SLC25A21: variants seen among roughly 807,000 people sequenced by gnomAD.
The protein encoded by SLC25A21 is mitochondrial 2-oxodicarboxylate carrier.
SLC25A21 carries 47 observed loss-of-function variants against 43.8 expected under a neutral mutation model. The observed-to-expected ratio is 1.07, with a 90% CI of 0.85 to 1.37. The LOEUF is 1.37. Ranked by LOEUF, SLC25A21 falls within the 40% of genes most tolerant of loss-of-function variation. The probability of loss-of-function intolerance (pLI) is 0.00; values close to 1 mark genes in which losing one functional copy is unlikely to be tolerated. For synonymous variants in SLC25A21, 131 were observed against 121.3 expected (o/e 1.08, Z -0.52); for missense variants, 352 against 350.2 (o/e 1.00, Z -0.04).
intron 3 of SLC25A21, among the ~76,000 whole-genome samples, chr14:36,775,038 AAATT>A (rs1469550681): frequency 2.6e-5 from 4 of 152,226 alleles, no homozygotes; most frequent in African/African-American, 9.6e-5. Context: ...TAGCATAATA[AAATT>A]AATAAGTATA....
intron 1 of SLC25A21, among the ~76,000 whole-genome samples, chr14:36,902,938 T>C (rs1891434436): frequency 6.6e-6 from 1 of 152,094 alleles, no homozygotes; most frequent in African/African-American, 2.4e-5. Flanking sequence ...TGAGCCATGA[T>C]TGCACCACTG....
chr14:37,009,997 G>A (rs1960695682), intron 1 of SLC25A21, among the ~76,000 whole-genome samples: 1 of 152,198 alleles, frequency 6.6e-6, no homozygotes, highest in African/African-American at 2.4e-5. Flanking sequence ...AGAATGGTGG[G>A]AAGAACGTTT....
intron 1 of SLC25A21, among the ~76,000 whole-genome samples, chr14:36,891,510 T>A (rs988288371): frequency 6.6e-6 from 1 of 152,166 alleles, no homozygotes; most frequent in Non-Finnish European, 1.5e-5. Context: ...GCTACAAGGA[T>A]CAATTTCTTC....
intron 1 of SLC25A21, among the ~76,000 whole-genome samples, chr14:36,973,517 G>A (rs1166474421): frequency 6.6e-6 from 1 of 152,170 alleles, no homozygotes. Context: ...TGAATTTATT[G>A]CATTAGAGGG....
At chr14:37,108,733 G>A (rs1962963388) in intron 1 of SLC25A21, among the ~76,000 whole-genome samples, 1 of 146,652 alleles carries the variant, frequency 6.8e-6, no homozygotes, top group Non-Finnish European at 1.5e-5. Context: ...GTGTGTGTGT[G>A]TGTGTGCGTG....
chr14:36,988,630 T>C (rs942592167), intron 1 of SLC25A21, among the ~76,000 whole-genome samples: 5 of 152,220 alleles, frequency 3.3e-5, no homozygotes, highest in Admixed American at 6.5e-5. Flanking sequence ...TCACCCCCTA[T>C]TGTATATCTA....
At chr14:36,777,233 G>A (rs1399015061) in intron 3 of SLC25A21, among the ~76,000 whole-genome samples, 1 of 152,042 alleles carries the variant, frequency 6.6e-6, no homozygotes, top group Non-Finnish European at 1.5e-5. Flanking sequence ...ACTTCCGCAT[G>A]GGCAACACAG....
intron 2 of SLC25A21, among the ~76,000 whole-genome samples, chr14:36,824,421 A>G (rs908733485): frequency 6.6e-6 from 1 of 152,138 alleles, no homozygotes; most frequent in African/African-American, 2.4e-5. Flanking sequence ...TGAGGACCCA[A>G]TTTTCAAAAG....
At chr14:37,031,600 T>A (rs1251307137) in intron 1 of SLC25A21, among the ~76,000 whole-genome samples, 1 of 152,190 alleles carries the variant, frequency 6.6e-6, no homozygotes, top group Non-Finnish European at 1.5e-5. Context: ...TCAGCTTTCT[T>A]ATCCTATGAA....
rs1302830905 is a variant in SLC25A21, at chr14:36,679,503, T to G, written c.*1155A>C. 7 of 985,280 alleles carry G rather than the reference T, an allele frequency of 7.1e-6. No homozygotes were observed. The highest frequency in any genetic ancestry group is 5.2e-4 in the Middle Eastern group (1 of 1,936). 61.0% of individuals were successfully genotyped at this position (985,280 alleles called of 1,614,324 possible). ...TTGACTTTACTGAATCAGCATCATC[T>G]CTGGATGCAGATATAAAATCAAGTT... is the stretch of plus-strand genomic sequence containing the variant. On this transcript the variant is annotated 3_prime_UTR_variant, in exon 10 of 10. Transcript: ENST00000331299.
chr14:37,045,083 C>T (rs1961559033), intron 1 of SLC25A21, among the ~76,000 whole-genome samples: 1 of 152,198 alleles, frequency 6.6e-6, no homozygotes, highest in Non-Finnish European at 1.5e-5. Flanking sequence ...GAATTCCACA[C>T]ACCATGACTT....
At chr14:36,893,028 G>T (rs930154395) in intron 1 of SLC25A21, among the ~76,000 whole-genome samples, 8 of 152,026 alleles carry the variant, frequency 5.3e-5, no homozygotes, top group African/African-American at 9.7e-5. Flanking sequence ...TGTGTCTTTA[G>T]CGCAGCATGA....
chr14:36,886,060 T>G (rs1380095941), intron 1 of SLC25A21, among the ~76,000 whole-genome samples: 3 of 152,214 alleles, frequency 2.0e-5, no homozygotes, highest in African/African-American at 7.2e-5. Context: ...GGTTTCAAAC[T>G]GTGCAGATTT....
At chr14:36,879,834 C>G (rs958147003) in intron 1 of SLC25A21, among the ~76,000 whole-genome samples, 2 of 151,514 alleles carry the variant, frequency 1.3e-5, no homozygotes, top group Non-Finnish European at 2.9e-5. Context: ...AAAAAAAGTA[C>G]AAACATTGTC....
chr14:36,780,301 T>G (rs1887006056), intron 3 of SLC25A21, among the ~76,000 whole-genome samples: 1 of 152,012 alleles, frequency 6.6e-6, no homozygotes, highest in South Asian at 2.1e-4. Context: ...TCAATGATCT[T>G]TTCTATTGTT....
intron 2 of SLC25A21, among the ~76,000 whole-genome samples, chr14:36,841,744 C>T (rs1889390998): frequency 6.6e-6 from 1 of 152,156 alleles, no homozygotes; most frequent in African/African-American, 2.4e-5. Context: ...CAAGGCCAAA[C>T]ACGTGCCGTG....
intron 1 of SLC25A21, among the ~76,000 whole-genome samples, chr14:36,963,309 A>AG (rs1959539491): frequency 6.6e-6 from 1 of 152,184 alleles, no homozygotes; most frequent in Non-Finnish European, 1.5e-5. Flanking sequence ...AATGCTGCTT[A>AG]GATCATGTGA....
At chr14:36,797,740 T>C (rs1445726340) in intron 3 of SLC25A21, among the ~76,000 whole-genome samples, 1 of 152,130 alleles carries the variant, frequency 6.6e-6, no homozygotes, top group South Asian at 2.1e-4. Context: ...ATTAAAGAAA[T>C]CAACACAAAA....
At chr14:37,135,299 G>A (rs1311195657) in intron 1 of SLC25A21, among the ~76,000 whole-genome samples, 1 of 152,072 alleles carries the variant, frequency 6.6e-6, no homozygotes, top group Non-Finnish European at 1.5e-5. Flanking sequence ...TCAGGAAGCT[G>A]AGATGGCAGT....
Sources: allele counts gnomAD v4.1 joint callset (sites outside exome capture counted in the v4.1 genomes callset), GRCh38; gene constraint gnomAD v4.1.1; transcripts MANE v1.5; gene names NCBI Gene and HGNC (gene_info 2026-07-23, HGNC 2026-07-21).